The following LRP1B variants were observed in gnomAD, a reference collection of about 807,000 sequenced individuals.
LRP1B encodes low-density lipoprotein receptor-related protein 1B.
A neutral mutation model predicts 556.6 loss-of-function variants in LRP1B; 217 were observed. The observed-to-expected ratio is 0.39, with a 90% CI of 0.35 to 0.44. The LOEUF (loss-of-function observed/expected upper bound fraction) is 0.44. Ranked by LOEUF, LRP1B falls within the 20% of genes least tolerant of loss-of-function variation. The probability of loss-of-function intolerance (pLI) is 1.00; values close to 1 mark genes in which losing one functional copy is unlikely to be tolerated. For synonymous variants in LRP1B, 2,047 were observed against 1,865.8 expected (o/e 1.10, Z -2.50); for missense variants, 5,053 against 5,620.8 (o/e 0.90, Z 3.23).
At chr2:141,260,871 T>C (rs1005634158) in intron 3 of LRP1B, among the ~76,000 whole-genome samples, 3 of 152,214 alleles carry the variant, frequency 2.0e-5, no homozygotes, top group Non-Finnish European at 4.4e-5. Flanking sequence ...AATGGGATGA[T>C]ATTTCATTCT....
intron 6 of LRP1B, among the ~76,000 whole-genome samples, chr2:141,213,195 T>C (rs1033072033): frequency 1.3e-5 from 2 of 151,954 alleles, no homozygotes; most frequent in Non-Finnish European, 2.9e-5. Context: ...GATGTGATTT[T>C]CTTGCCTCAC....
intron 4 of LRP1B, among the ~76,000 whole-genome samples, chr2:141,253,493 G>A (rs537770591): frequency 5.9e-5 from 9 of 152,164 alleles, no homozygotes; most frequent in Non-Finnish European, 8.8e-5. Context: ...AAGTCAATGA[G>A]CCTCTTCAGG....
At chr2:141,221,262 G>C (rs1392891950) in intron 6 of LRP1B, among the ~76,000 whole-genome samples, 4 of 135,304 alleles carry the variant, frequency 3.0e-5, no homozygotes, top group Non-Finnish European at 6.2e-5. Context: ...CCTAGTTTCT[G>C]ACAAAGCAGA....
chr2:142,056,682 G>A (rs1307708178), intron 1 of LRP1B, among the ~76,000 whole-genome samples: 1 of 152,064 alleles, frequency 6.6e-6, no homozygotes, highest in Non-Finnish European at 1.5e-5. Context: ...TTTACAAATT[G>A]TTATTTTGTC....
At chr2:141,404,295 T>C (rs1390363799) in intron 3 of LRP1B, among the ~76,000 whole-genome samples, 1 of 152,216 alleles carries the variant, frequency 6.6e-6, no homozygotes, top group African/African-American at 2.4e-5. Context: ...AAGATCGTAG[T>C]AGTTACTTTA....
intron 55 of LRP1B, among the ~76,000 whole-genome samples, chr2:140,499,172 T>G (rs1172929516): frequency 1.3e-5 from 2 of 151,902 alleles, no homozygotes; most frequent in African/African-American, 2.4e-5. Context: ...TAAGCATGAA[T>G]TAACATGTGT....
intron 3 of LRP1B, among the ~76,000 whole-genome samples, chr2:141,265,703 A>G (rs1019610128): frequency 1.3e-5 from 2 of 152,200 alleles, no homozygotes; most frequent in African/African-American, 4.8e-5. Flanking sequence ...GTAATGAGAT[A>G]GATGTGTGTG....
chr2:140,640,383 CTTTTTTTTTTTTTTTTT>C (rs70988414), intron 41 of LRP1B, among the ~76,000 whole-genome samples: 3 of 48,464 alleles, frequency 6.2e-5, no homozygotes, highest in East Asian at 7.5e-4. Context: ...GTCCTGTTTT[CTTTTTTTTTTTTTTTTT>C]TTTTTTTTTT....
intron 21 of LRP1B, among the ~76,000 whole-genome samples, chr2:140,909,773 ATAGG>A (rs925965037): frequency 1.6e-4 from 24 of 151,042 alleles, no homozygotes; most frequent in African/African-American, 5.6e-4. Flanking sequence ...AATTCAAAAA[ATAGG>A]TAGCTAGTTT....
intron 5 of LRP1B, among the ~76,000 whole-genome samples, chr2:141,230,997 A>G (rs1683439025): frequency 6.6e-6 from 1 of 152,238 alleles, no homozygotes; most frequent in Admixed American, 6.5e-5. Context: ...GAATAAATAA[A>G]AAGGACACAT....
At chr2:141,920,704 A>G (rs967589247) in intron 1 of LRP1B, among the ~76,000 whole-genome samples, 3 of 152,036 alleles carry the variant, frequency 2.0e-5, no homozygotes, top group Non-Finnish European at 2.9e-5. Flanking sequence ...ATGTATACAT[A>G]CCTCACAGAT....
intron 3 of LRP1B, among the ~76,000 whole-genome samples, chr2:141,258,757 G>C (rs1684577012): frequency 6.6e-6 from 1 of 152,112 alleles, no homozygotes; most frequent in Admixed American, 6.5e-5. Flanking sequence ...TTGTTTGAAA[G>C]TGTGTAGAAC....
intron 3 of LRP1B, chr2:141,286,715 A>G (rs1396839675): frequency 2.2e-6 from 1 of 446,984 alleles, no homozygotes; most frequent in Non-Finnish European, 4.5e-6. Flanking sequence ...GTTTTGCTAA[A>G]TCATATTATT....
At chr2:141,464,176 A>C (rs1682067001) in intron 3 of LRP1B, among the ~76,000 whole-genome samples, 1 of 152,054 alleles carries the variant, frequency 6.6e-6, no homozygotes, top group East Asian at 1.9e-4. Flanking sequence ...CTCAAAAAAG[A>C]AGCATAACAC....
At chr2:140,439,335 C>G (rs908823707) in intron 66 of LRP1B, among the ~76,000 whole-genome samples, 5 of 152,178 alleles carry the variant, frequency 3.3e-5, no homozygotes, top group African/African-American at 1.2e-4. Context: ...TCTAATATAA[C>G]TGTATTTATG....
chr2:140,701,737 G>A lies in LRP1B; in HGVS notation c.6411C>T (p.Asn2137=), dbSNP rs1485029490. ...GVNLKEVKIF[N]RVREKGTNVC... ...AGTGCTGACCTTTCTCTCTTACTCG[G>A]TTAAATATTTTAACCTCCTTCAGGT... is the stretch of plus-strand genomic sequence containing the variant. The change falls in exon 40 of 91, where the codon AAC becomes AAT. Residue 2137 remains asparagine (N), a synonymous_variant. Transcript: ENST00000389484. 6.2e-7 allele frequency: 1 copy of A among 1,612,482 alleles called. No homozygotes were observed. Among genetic ancestry groups the A allele is most frequent in the Admixed American group, 1.7e-5 (1 of 59,824 alleles).
At chr2:140,814,996 T>C (rs1420914556) in intron 31 of LRP1B, among the ~76,000 whole-genome samples, 3 of 152,088 alleles carry the variant, frequency 2.0e-5, no homozygotes, top group Non-Finnish European at 4.4e-5. Context: ...TAACAATAAC[T>C]CTGTAGAACC....
At chr2:141,085,683 A>G (rs551368694) in intron 7 of LRP1B, among the ~76,000 whole-genome samples, 15 of 152,316 alleles carry the variant, frequency 9.8e-5, no homozygotes, top group African/African-American at 3.6e-4. Flanking sequence ...GTTATGGCAG[A>G]CCTAGCAAAC....
chr2:140,264,484 C>A (rs1036568416), intron 86 of LRP1B, among the ~76,000 whole-genome samples: 1 of 152,098 alleles, frequency 6.6e-6, no homozygotes, highest in Non-Finnish European at 1.5e-5. Context: ...CAACTACTAA[C>A]CTCAAGTGAT....
Sources: gnomAD v4.1 joint callset for allele counts (sites outside exome capture counted in the v4.1 genomes callset) on GRCh38, gnomAD v4.1.1 for gene constraint, MANE v1.5 for transcripts, NCBI Gene and HGNC (gene_info 2026-07-23, HGNC 2026-07-21) for gene names.